ZNF43: variants seen among roughly 807,000 people sequenced by gnomAD.
ZNF43 encodes zinc finger protein 39-like 1 (KOX 27).
In ZNF43, 44 loss-of-function variants were observed where a neutral mutation model predicts 68.4. That is an observed-to-expected ratio of 0.64 (90% CI 0.51 to 0.83). ZNF43 has a LOEUF of 0.83. Among genes scored for constraint, ZNF43 ranks in the 40% least tolerant of loss-of-function variants. The pLI is 0.00. For synonymous variants in ZNF43, 308 were observed against 307.8 expected (o/e 1.00, Z -0.01); for missense variants, 896 against 933.2 (o/e 0.96, Z 0.52).
At chr19:21,831,685 C>T (rs113057057) in intron 1 of ZNF43, among the ~76,000 whole-genome samples, 5,220 of 152,150 alleles carry the variant, frequency 0.034, 319 homozygotes, top group African/African-American at 0.12. Flanking sequence ...AACTGACAAA[C>T]AACTTCAGCA....
In ZNF43 at chr19:21,809,545, A is replaced by G; in HGVS notation, c.492T>C (p.His164=). ...GTTTTTTTTCAGTATGGCTTATCTT[A>G]TGTCTGTTTGAATTTGAAAATTTAT... ...AFHKFSNSNR[H]KISHTEKKLF... is the part of the protein sequence containing the mutation. Residue 164 remains histidine (H), a synonymous_variant, in exon 4 of 4, where the codon CAT becomes CAC. Coordinates refer to ENST00000354959, the MANE Select transcript of ZNF43 (RefSeq NM_003423.4). The G allele has an allele frequency of 6.2e-7, 1 of 1,612,252 alleles. No homozygotes were observed. The highest frequency in any genetic ancestry group is 8.5e-7 in the Non-Finnish European group (1 of 1,179,418).
intron 1 of ZNF43, among the ~76,000 whole-genome samples, chr19:21,825,376 T>C (rs2038064763): frequency 6.6e-6 from 1 of 152,234 alleles, no homozygotes; most frequent in African/African-American, 2.4e-5. Flanking sequence ...ATTATTAGTT[T>C]AGTTTATAGC....
At chr19:21,833,804 G>T (rs982227511) in intron 1 of ZNF43, among the ~76,000 whole-genome samples, 1 of 151,946 alleles carries the variant, frequency 6.6e-6, no homozygotes, top group Admixed American at 6.6e-5. Flanking sequence ...GAGGCAGGTG[G>T]ATCTCCTGAG....
chr19:21,844,921 A>AAAAAAAAATAT (rs1310761266), intron 1 of ZNF43, among the ~76,000 whole-genome samples: 10 of 26,046 alleles, frequency 3.8e-4, no homozygotes, highest in African/African-American at 2.2e-3. Context: ...AAAAAAAAAA[A>AAAAAAAAATAT]ATATATATAT....
chr19:21,819,239 TACACACACAA>T lies in ZNF43; in HGVS notation c.4-28_4-19del, dbSNP rs1489351175. On this transcript the variant is annotated intron_variant, in intron 1 of 3. Transcript: ENST00000354959. ...AATGGTCCCTAAAAAAAACAACACA[TACACACACAA>T]ACACACACATTTACCAAGTGGCCAC... 1.3e-6 allele frequency: 2 copies of T among 1,575,064 alleles called. No homozygotes were observed. Among genetic ancestry groups the T allele is most frequent in the Middle Eastern group, 1.7e-4 (1 of 5,910 alleles).
intron 1 of ZNF43, among the ~76,000 whole-genome samples, chr19:21,844,795 G>A (rs1305021328): frequency 6.7e-6 from 1 of 149,800 alleles, no homozygotes; most frequent in Non-Finnish European, 1.5e-5. Context: ...TACTTGGGAG[G>A]CTGAGGCAGG....
In ZNF43 at chr19:21,808,803, T is replaced by C. The variant is rs527838644; in HGVS notation, c.1234A>G (p.Lys412Glu). 38 of 1,612,700 alleles carry C rather than the reference T, an allele frequency of 2.4e-5. No individual in the cohort carries two copies. In the East Asian group the frequency reaches 4.5e-4, roughly 19 times the overall value. Residue 412 changes from lysine to glutamate, a missense_variant, in exon 4 of 4, where the codon AAG (lysine) becomes GAG (glutamate). Lys to Glu is a moderately conservative substitution (Grantham distance 56). Coordinates refer to ENST00000354959, the MANE Select transcript of ZNF43 (RefSeq NM_003423.4). ...TGAGTTAACTTATGTTCAGTAAGCT[T>C]TGAGGACCACTTAAAAGCTTTGCCA... ...ECGKAFKWSS[K>E]LTEHKLTHTG...
chr19:21,809,955 G>A lies in ZNF43; in HGVS notation c.230-148C>T, dbSNP rs376096247. On this transcript the variant is annotated intron_variant, in intron 3 of 3. Coordinates refer to ENST00000354959, the MANE Select transcript of ZNF43 (RefSeq NM_003423.4). ...CTAATTTATTTATAGACATATAAAT[G>A]TAACAAAAACATACTGATCAAATCA... The A allele has an allele frequency of 1.2e-3, 945 of 797,892 alleles. 22 individuals are homozygous for A. In the South Asian group the frequency reaches 0.023, roughly 19 times the overall value. 49.4% of individuals were successfully genotyped at this position (797,892 alleles called of 1,614,324 possible).
intron 1 of ZNF43, among the ~76,000 whole-genome samples, chr19:21,834,901 A>G (rs1481837176): frequency 6.0e-5 from 9 of 151,152 alleles, no homozygotes; most frequent in Non-Finnish European, 1.3e-4. Flanking sequence ...TATCTAAAAT[A>G]TCTTTATCTA....
intron 1 of ZNF43, chr19:21,845,252 G>C (rs989631410): frequency 1.2e-4 from 19 of 152,130 alleles, no homozygotes; most frequent in African/African-American, 4.6e-4. Context: ...AATGTTTTTG[G>C]GGGGCATGGT....
At chr19:21,844,920 A>T (rs1324564309) in intron 1 of ZNF43, among the ~76,000 whole-genome samples, 11 of 96,982 alleles carry the variant, frequency 1.1e-4, no homozygotes, top group African/African-American at 3.7e-4. Flanking sequence ...AAAAAAAAAA[A>T]AATATATATA....
At chr19:21,836,300 C>G (rs1296085221), upstream of ZNF43, 4 of 1,235,262 alleles carry the variant, frequency 3.2e-6, no homozygotes, top group East Asian at 3.4e-5. Flanking sequence ...CCCGCAAACC[C>G]TGAATGAAAG....
At chr19:21,828,772 G>A (rs1451188954) in intron 1 of ZNF43, among the ~76,000 whole-genome samples, 5 of 150,852 alleles carry the variant, frequency 3.3e-5, no homozygotes, top group African/African-American at 7.3e-5. Flanking sequence ...GGTGGCTCAC[G>A]CCTGTAATCC....
intron 1 of ZNF43, among the ~76,000 whole-genome samples, chr19:21,829,037 A>T (rs1301456533): frequency 1.0e-5 from 1 of 97,754 alleles, no homozygotes; most frequent in Non-Finnish European, 2.0e-5. Flanking sequence ...TGTCTCAAAA[A>T]AAAAAAAAAA....
In ZNF43 at chr19:21,841,392, G is replaced by A. The variant is rs538634417; in HGVS notation, c.30+10513C>T. 1.2e-3 allele frequency: 176 copies of A among 152,342 alleles called. 1 individual carries two copies. The highest frequency in any genetic ancestry group is 3.9e-3 in the African/African-American group (161 of 41,578). 9.4% of individuals were successfully genotyped at this position (152,342 alleles called of 1,614,324 possible). ...TACCTGGTTGCCTGTCCAGGGTTAT[G>A]TTACAATTCCTTCTCGAAAGCAAGG... is the stretch of plus-strand genomic sequence containing the variant. On this transcript the variant is annotated intron_variant, in intron 1 of 3. Transcript: ENST00000357491.
intron 1 of ZNF43, among the ~76,000 whole-genome samples, chr19:21,819,628 A>G (rs2037702121): frequency 1.3e-5 from 2 of 152,182 alleles, no homozygotes; most frequent in South Asian, 4.1e-4. Flanking sequence ...GGATCCTGTT[A>G]ATGAAGATTA....
chr19:21,817,957 T>C lies in ZNF43; in HGVS notation c.160A>G (p.Thr54Ala). 1 of 1,613,468 alleles carries C rather than the reference T, an allele frequency of 6.2e-7. No individual in the cohort carries two copies. The change falls in exon 3 of 4, where the codon ACC becomes GCC. Residue 54 changes from threonine (T) to alanine (A), a missense_variant. Thr to Ala is a moderately conservative substitution (Grantham distance 58, BLOSUM62 0). Coordinates refer to ENST00000354959, the MANE Select transcript of ZNF43 (RefSeq NM_003423.4). ...GGCTCTTTTTCTTGCTCCAGACAGG[T>C]GATCAGGTCTGGCTTAGAGACAGCA... is the stretch of plus-strand genomic sequence containing the variant. ...GIAVSKPDLI[T>A]CLEQEKEPWE...
intron 1 of ZNF43, among the ~76,000 whole-genome samples, chr19:21,846,182 C>T (rs1376019602): frequency 6.6e-6 from 1 of 152,106 alleles, no homozygotes; most frequent in Non-Finnish European, 1.5e-5. Context: ...GCTGGTAGCA[C>T]AATCACTACA....
At chr19:21,823,594 T>TTTG (rs2037960460) in intron 1 of ZNF43, among the ~76,000 whole-genome samples, 1 of 116,378 alleles carries the variant, frequency 8.6e-6, no homozygotes. Context: ...TTTTTTTTTT[T>TTTG]CGTGAGATGG....
Sources: gnomAD v4.1 joint callset for allele counts (sites outside exome capture counted in the v4.1 genomes callset) on GRCh38, gnomAD v4.1.1 for gene constraint, MANE v1.5 for transcripts, NCBI Gene and HGNC (gene_info 2026-07-23, HGNC 2026-07-21) for gene names.